E2F2: variants seen among roughly 807,000 people sequenced by gnomAD.
The protein encoded by E2F2 is E2F transcription factor 2.
Under a neutral mutation model 42.2 loss-of-function variants are expected in E2F2, and 22 were observed. The ratio of observed to expected loss-of-function variants is 0.52; its 90% CI spans 0.37 to 0.74. The LOEUF is 0.74. E2F2 is among the 30% of genes least tolerant of loss of function. E2F2 has a pLI of 0.00. For missense variants in E2F2, 481 were observed against 557.8 expected (o/e 0.86, Z 1.39); for synonymous variants, 248 against 251.6 (o/e 0.99, Z 0.13).
chr1:23,530,483 C>T lies in E2F2; in HGVS notation c.252+59G>A, dbSNP rs991401703. Reference sequence around the variant, plus strand: ...CTCAAACTGGATCTCAGGCACCCCTCCCTCCTTTCCCACACCTGGAAAAGC... The same window carrying T: ...CTCAAACTGGATCTCAGGCACCCCTTCCTCCTTTCCCACACCTGGAAAAGC... On this transcript the variant is annotated intron_variant, in intron 1 of 6. Coordinates refer to ENST00000361729, the MANE Select transcript of E2F2 (RefSeq NM_004091.4). This position sits in a 1 kb window ranked among gnomAD's most constrained non-coding sequence, Gnocchi z 4.4. 12 of 1,590,406 alleles carry T rather than the reference C, an allele frequency of 7.5e-6. No individual in the cohort carries two copies. The highest frequency in any genetic ancestry group is 8.5e-6 in the Non-Finnish European group (10 of 1,169,710).
chr1:23,508,298 C>G lies in E2F2; in HGVS notation c.*1582G>C, dbSNP rs1642840219. ...GACATCAGTCAGTCAGCTCAGGAGC[C>G]ATCCAACAAAACCAACTTCATATTT... On this transcript the variant is annotated 3_prime_UTR_variant, in exon 7 of 7. Coordinates refer to ENST00000361729, the MANE Select transcript of E2F2 (RefSeq NM_004091.4). 6.6e-6 allele frequency: 1 copy of G among 152,272 alleles called. No homozygotes were observed. The highest frequency in any genetic ancestry group is 6.5e-5 in the Admixed American group (1 of 15,274). 9.4% of individuals were successfully genotyped at this position (152,272 alleles called of 1,614,324 possible). A position where few individuals can be genotyped will look rare whatever the true frequency, so the allele number is the denominator to read the frequency against.
In E2F2 at chr1:23,509,416, G is replaced by A. The variant is rs1248292268; in HGVS notation, c.*464C>T. The A allele has an allele frequency of 2.0e-5, 3 of 152,688 alleles. No homozygotes were observed. The highest frequency in any genetic ancestry group is 7.2e-5 in the African/African-American group (3 of 41,478). The allele number at this position is 152,688 out of a possible 1,614,324, so 9.5% of individuals were successfully genotyped here. ...CCTGCCCTGGAACATGGACAGTGAT[G>A]GGCCTGTCTGCAGAGGTCTCACTAA... On this transcript the variant is annotated 3_prime_UTR_variant, in exon 7 of 7. Transcript: ENST00000361729.
In E2F2 at chr1:23,507,085, GAAGTCCCTGGGGA is replaced by G. The variant is rs1230218657; in HGVS notation, c.*2782_*2794del. 6.7e-6 allele frequency: 1 copy of G among 150,016 alleles called. No homozygotes were observed. Among genetic ancestry groups the G allele is most frequent in the East Asian group, 2.0e-4 (1 of 4,980 alleles). The allele number at this position is 150,016 out of a possible 1,614,324, so 9.3% of individuals were successfully genotyped here. ...TGATTTCCTGGAGCCCCAAGCTTTA[GAAGTCCCTGGGGA>G]CACGAGTGATTTTTTTAGGGGGGCT... On this transcript the variant is annotated 3_prime_UTR_variant, in exon 7 of 7. Coordinates refer to ENST00000361729, the MANE Select transcript of E2F2 (RefSeq NM_004091.4).
chr1:23,505,793 G>A (rs968641267), downstream of E2F2, among the ~76,000 whole-genome samples: 9 of 151,900 alleles, frequency 5.9e-5, no homozygotes, highest in African/African-American at 1.2e-4. Context: ...GATTACAGGC[G>A]TGAGCCACTG....
chr1:23,524,579 TAGC>T (rs1268601353), intron 1 of E2F2, 91 bp from the exon 2 acceptor site: 9 of 1,136,998 alleles, frequency 7.9e-6, no homozygotes, highest in Non-Finnish European at 1.0e-5. Flanking sequence ...TGAAGCCACT[TAGC>T]AGCCACCTCT....
intron 5 of E2F2, among the ~76,000 whole-genome samples, chr1:23,517,391 C>G (rs896193283): frequency 2.0e-5 from 3 of 152,178 alleles, no homozygotes; most frequent in Non-Finnish European, 4.4e-5. Context: ...TTCTTTAAGA[C>G]CTAGTTTAAC....
At chr1:23,512,759 G>A (rs1642934852) in intron 6 of E2F2, among the ~76,000 whole-genome samples, 2 of 151,658 alleles carry the variant, frequency 1.3e-5, no homozygotes, top group South Asian at 4.2e-4. Context: ...GGCTCTTACT[G>A]CTTTTCTGTC....
Position 23,509,838 on chromosome 1 carries a change from A to C in E2F2, c.*42T>G. ...AGGGGCTGTCAGCCTGTCTGTGAGG[A>C]GGTAGAGTCGGGGGCAGGCTGCTGG... On this transcript the variant is annotated 3_prime_UTR_variant, in exon 7 of 7. Transcript: ENST00000361729. The C allele has an allele frequency of 6.6e-7, 1 of 1,511,976 alleles. No individual in the cohort carries two copies. The allele number at this position is 1,511,976 out of a possible 1,614,324, so 93.7% of individuals were successfully genotyped here. A position where few individuals can be genotyped will look rare whatever the true frequency, so the allele number is the denominator to read the frequency against.
Position 23,530,952 on chromosome 1 carries a change from G to T in E2F2, c.-159C>A. The T allele has an allele frequency of 1.1e-6, 1 of 914,294 alleles. No individual in the cohort carries two copies. The allele number at this position is 914,294 out of a possible 1,614,324, so 56.6% of individuals were successfully genotyped here. A position where few individuals can be genotyped will look rare whatever the true frequency, so the allele number is the denominator to read the frequency against. ...GGCAAGGCCGGACCCTCCCCTCCTG[G>T]CCCGCGGCCGAGCAGAGAGCAGCGC... On this transcript the variant is annotated 5_prime_UTR_variant, in exon 1 of 7. Coordinates refer to ENST00000361729, the MANE Select transcript of E2F2 (RefSeq NM_004091.4). The surrounding 1 kb of genome is among the most constrained non-coding windows in gnomAD (Gnocchi z 4.4).
intron 1 of E2F2, among the ~76,000 whole-genome samples, chr1:23,529,882 C>T (rs951612634): frequency 6.6e-5 from 10 of 152,210 alleles, no homozygotes; most frequent in Admixed American, 2.0e-4. Context: ...AGCCTGGTGC[C>T]ACTACACTTT....
Position 23,521,052 on chromosome 1 carries a change from C to T in E2F2, c.598G>A (p.Asp200Asn). ...IQWVGRGMFE[D>N]PTRPGKQQQL... ...TGCTGCTTCCCAGGTCTGGTGGGGT[C>T]TTCAAACATTCCCCTGCCTCTGGGA... The change falls in exon 4 of 7, where the codon GAC becomes AAC. Residue 200 changes from aspartate to asparagine, a missense_variant. Physicochemically the swap from Asp to Asn is conservative, Grantham distance 23. Coordinates refer to ENST00000361729, the MANE Select transcript of E2F2 (RefSeq NM_004091.4). The T allele has an allele frequency of 6.2e-7, 1 of 1,612,392 alleles. No individual in the cohort carries two copies. Among genetic ancestry groups the T allele is most frequent in the Non-Finnish European group, 8.5e-7 (1 of 1,179,266 alleles).
intron 6 of E2F2, among the ~76,000 whole-genome samples, chr1:23,514,054 G>A (rs918776101): frequency 1.3e-5 from 2 of 152,024 alleles, no homozygotes; most frequent in Non-Finnish European, 2.9e-5. Context: ...AACTTGGGAG[G>A]CGGAGGTTGC....
In E2F2 at chr1:23,530,787, G is replaced by A; in HGVS notation, c.7C>T (p.Gln3Ter). Residue 3 changes from glutamine to a stop codon, truncating the protein, a stop_gained, in exon 1 of 7, where the codon CAA becomes TAA. Coordinates refer to ENST00000361729, the MANE Select transcript of E2F2 (RefSeq NM_004091.4). LOFTEE classifies it high-confidence loss of function. The surrounding 1 kb of genome is among the most constrained non-coding windows in gnomAD (Gnocchi z 4.4). Reference sequence around the variant, plus strand: ...GCCGAAGCCAAGGCCCGGGGCCCTTGCAGCATAGCGAGTAAGGCGCCCCCT... The same window carrying A: ...GCCGAAGCCAAGGCCCGGGGCCCTTACAGCATAGCGAGTAAGGCGCCCCCT... The part of the protein sequence containing the change: ML[Q>*]GPRALASAAG... 1 of 1,528,008 alleles carries A rather than the reference G, an allele frequency of 6.5e-7. No individual in the cohort carries two copies. Among genetic ancestry groups the A allele is most frequent in the Non-Finnish European group, 8.8e-7 (1 of 1,134,012 alleles). The allele number at this position is 1,528,008 out of a possible 1,614,324, so 94.7% of individuals were successfully genotyped here.
In E2F2 at chr1:23,530,955, C is replaced by G. The variant is rs1262697943; in HGVS notation, c.-162G>C. On this transcript the variant is annotated 5_prime_UTR_variant, in exon 1 of 7. Coordinates refer to ENST00000361729, the MANE Select transcript of E2F2 (RefSeq NM_004091.4). This position sits in a 1 kb window ranked among gnomAD's most constrained non-coding sequence, Gnocchi z 4.4. ...AAGGCCGGACCCTCCCCTCCTGGCCCGCGGCCGAGCAGAGAGCAGCGCTTA... is the reference window on the plus strand; with the variant it reads ...AAGGCCGGACCCTCCCCTCCTGGCCGGCGGCCGAGCAGAGAGCAGCGCTTA... 5 of 877,270 alleles carry G rather than the reference C, an allele frequency of 5.7e-6. No homozygotes were observed. Among genetic ancestry groups the G allele is most frequent in the Middle Eastern group, 3.6e-4 (1 of 2,752 alleles). 54.3% of individuals were successfully genotyped at this position (877,270 alleles called of 1,614,324 possible). A position where few individuals can be genotyped will look rare whatever the true frequency, so the allele number is the denominator to read the frequency against.
In E2F2 at chr1:23,518,963, C is replaced by T. The variant is rs1040925857; in HGVS notation, c.852+53G>A. On this transcript the variant is annotated intron_variant, in intron 5 of 6. Coordinates refer to ENST00000361729, the MANE Select transcript of E2F2 (RefSeq NM_004091.4). ...ACAGAGTCTGCAGAGCCGCCTGGAACGCTCCCTGGCAGGGTCTCAACCCTG... is the reference window on the plus strand; with the variant it reads ...ACAGAGTCTGCAGAGCCGCCTGGAATGCTCCCTGGCAGGGTCTCAACCCTG... 23 of 1,469,564 alleles carry T rather than the reference C, an allele frequency of 1.6e-5. No homozygotes were observed. The African/African-American group carries it at 1.8e-4, about 12-fold the overall frequency. 91.0% of individuals were successfully genotyped at this position (1,469,564 alleles called of 1,614,324 possible).
chr1:23,528,355 C>T (rs1053383121), intron 1 of E2F2, among the ~76,000 whole-genome samples: 3 of 152,194 alleles, frequency 2.0e-5, no homozygotes, highest in Non-Finnish European at 4.4e-5. Context: ...ACAAAGCAAG[C>T]GGCCACACCC....
Position 23,512,794 on chromosome 1 carries a change from C to T in E2F2, c.1046-2646G>A, listed in dbSNP as rs920546393. 2.6e-5 allele frequency among the ~76,000 whole-genome samples: 4 copies of T among 151,962 alleles called. No homozygotes were observed. In the South Asian group the frequency reaches 8.3e-4, roughly 32 times the overall value. Reference sequence around the variant, plus strand: ...CTCTAAAACAGCACCAGGCCCAGCTCAGTAGATGCTCTTCACACAAGCTTT... The same window carrying T: ...CTCTAAAACAGCACCAGGCCCAGCTTAGTAGATGCTCTTCACACAAGCTTT... On this transcript the variant is annotated intron_variant, in intron 6 of 6. Transcript: ENST00000361729.
Position 23,510,210 on chromosome 1 carries a change from A to G in E2F2, c.1046-62T>C, listed in dbSNP as rs1642884195. ...GCATCCAACTCCTCAGCACGCGAGG[A>G]CAGACTTCCGGTTCTCTGGATGACT... On this transcript the variant is annotated intron_variant, in intron 6 of 6. Transcript: ENST00000361729. The G allele has an allele frequency of 4.1e-6, 6 of 1,464,030 alleles. No individual in the cohort carries two copies. The South Asian group carries it at 7.1e-5, about 17-fold the overall frequency. 90.7% of individuals were successfully genotyped at this position (1,464,030 alleles called of 1,614,324 possible).
At chr1:23,505,267 G>T (rs964758273), downstream of E2F2, among the ~76,000 whole-genome samples, 1 of 152,210 alleles carries the variant, frequency 6.6e-6, no homozygotes, top group Non-Finnish European at 1.5e-5. Flanking sequence ...CATCCCGAGG[G>T]CAGAGAGGAG....
Sources: allele counts gnomAD v4.1 joint callset (sites outside exome capture counted in the v4.1 genomes callset), GRCh38; gene constraint gnomAD v4.1.1; non-coding constraint Gnocchi (gnomAD v3.1); transcripts MANE v1.5; gene names NCBI Gene and HGNC (gene_info 2026-07-23, HGNC 2026-07-21).